Variants in COTL1 observed in about 807,000 individuals in gnomAD.
The protein encoded by COTL1 is coactosin like F-actin binding protein 1.
COTL1 carries 15 observed loss-of-function variants against 16.5 expected under a neutral mutation model. The ratio of observed to expected loss-of-function variants is 0.91; its 90% confidence interval spans 0.61 to 1.40. The LOEUF (loss-of-function observed/expected upper bound fraction) is 1.40, where lower values mean the gene tolerates loss of function less well. Among genes scored for constraint, COTL1 ranks in the 40% most tolerant of loss-of-function variants. The pLI is 0.00. For missense variants in COTL1, 220 were observed against 201.5 expected (o/e 1.09, Z -0.56); for synonymous variants, 112 against 85.3 (o/e 1.31, Z -1.73).
chr16:84,612,110 T>C (rs934212370), intron 2 of COTL1, among the ~76,000 whole-genome samples: 2 of 152,098 alleles, frequency 1.3e-5, no homozygotes, highest in South Asian at 4.2e-4. Context: ...AAAACAAAAA[T>C]GGCAATCGCA....
intron 2 of COTL1, among the ~76,000 whole-genome samples, chr16:84,612,212 C>A (rs533115307): frequency 3.9e-5 from 6 of 152,288 alleles, no homozygotes; most frequent in Admixed American, 2.6e-4. Flanking sequence ...TAGCAGGTTA[C>A]CAGATGGGTA....
In COTL1 at chr16:84,566,919, C is replaced by T; in HGVS notation, c.355G>A (p.Glu119Lys). The T allele has an allele frequency of 1.2e-6, 2 of 1,614,052 alleles. No individual in the cohort carries two copies. Among genetic ancestry groups the T allele is most frequent in the Non-Finnish European group, 1.7e-6 (2 of 1,179,932 alleles). ...AKEFVISDRK[E>K]LEEDFIKSEL... ...CTCTTGATGAAATCTTCCTCCAGCT[C>T]CTTCCGATCACTGATCACAAACTCC... Residue 119 changes from glutamate to lysine, a missense_variant, in exon 4 of 4, where the codon GAG (glutamate) becomes AAG (lysine). By Grantham distance (56) the Glu-to-Lys change is moderately conservative. Transcript: ENST00000262428.
In COTL1 at chr16:84,566,781, C is replaced by T. The variant is rs570693248; in HGVS notation, c.*64G>A. 5 of 1,132,718 alleles carry T rather than the reference C, an allele frequency of 4.4e-6. No individual in the cohort carries two copies. Among genetic ancestry groups the T allele is most frequent in the Non-Finnish European group, 6.6e-6 (5 of 752,946 alleles). The allele number at this position is 1,132,718 out of a possible 1,614,324, so 70.2% of individuals were successfully genotyped here. A position where few individuals can be genotyped will look rare whatever the true frequency, so the allele number is the denominator to read the frequency against. On this transcript the variant is annotated 3_prime_UTR_variant, in exon 4 of 4. Transcript: ENST00000262428. The stretch of plus-strand genomic sequence containing the variant: ...CTGGTGGGCTAGTAGCTGAGGCCGG[C>T]GGTCCTCTCCCCCGGGGAGCAGGCA...
intron 2 of COTL1, among the ~76,000 whole-genome samples, chr16:84,613,100 A>C (rs1905374928): frequency 6.6e-6 from 1 of 151,272 alleles, no homozygotes; most frequent in African/African-American, 2.4e-5. Context: ...TCCTGGGTTC[A>C]AGTGATTCTC....
chr16:84,609,792 C>G (rs573845329), intron 2 of COTL1, among the ~76,000 whole-genome samples: 2 of 152,164 alleles, frequency 1.3e-5, no homozygotes, highest in Non-Finnish European at 2.9e-5. Context: ...GGCTCTCAGT[C>G]TGTCTCCTGC....
At chr16:84,614,748 T>C (rs1449432322) in intron 2 of COTL1, among the ~76,000 whole-genome samples, 2 of 152,080 alleles carry the variant, frequency 1.3e-5, no homozygotes, top group African/African-American at 2.4e-5. Context: ...CCTGTCAGGA[T>C]ACCTGGCAGG....
At chr16:84,596,405 C>G (rs562787194) in intron 2 of COTL1, 9 of 152,310 alleles carry the variant, frequency 5.9e-5, no homozygotes, top group African/African-American at 2.2e-4. Context: ...CAAATACTTA[C>G]CTCATAAAGT....
intron 3 of COTL1, among the ~76,000 whole-genome samples, chr16:84,588,308 T>C (rs1904781809): frequency 6.6e-6 from 1 of 152,142 alleles, no homozygotes; most frequent in South Asian, 2.1e-4. Context: ...GTTTCCATAT[T>C]ACCTTCCTCT....
chr16:84,605,220 G>T (rs1021739779), intron 2 of COTL1, among the ~76,000 whole-genome samples: 1 of 152,224 alleles, frequency 6.6e-6, no homozygotes, highest in Non-Finnish European at 1.5e-5. Flanking sequence ...GTTTCACAAA[G>T]ATTTTACATT....
chr16:84,567,655 C>G (rs900247220), intron 3 of COTL1: 11 of 152,466 alleles, frequency 7.2e-5, no homozygotes, highest in African/African-American at 2.6e-4. Context: ...AAATACCACG[C>G]CAGGCTGTGG....
Position 84,566,763 on chromosome 16 carries a change from G to A in COTL1, c.*82C>T. ...TCTTTTCTCCCTGGTGGGCTGGTGGGCTAGTAGCTGAGGCCGGCGGTCCTC... is the reference window on the plus strand; with the variant it reads ...TCTTTTCTCCCTGGTGGGCTGGTGGACTAGTAGCTGAGGCCGGCGGTCCTC... On this transcript the variant is annotated 3_prime_UTR_variant, in exon 4 of 4. Transcript: ENST00000262428. The A allele has an allele frequency of 1.1e-6, 1 of 904,518 alleles. No homozygotes were observed. Among genetic ancestry groups the A allele is most frequent in the Non-Finnish European group, 1.8e-6 (1 of 557,156 alleles). 56.0% of individuals were successfully genotyped at this position (904,518 alleles called of 1,614,324 possible).
intron 2 of COTL1, among the ~76,000 whole-genome samples, chr16:84,604,885 CGTAGAATTCTAGCCA>C (rs1449212202): frequency 1.3e-5 from 2 of 152,210 alleles, no homozygotes; most frequent in Non-Finnish European, 2.9e-5. Flanking sequence ...TTATAAGCAG[CGTAGAATTCTAGCCA>C]GAAACGGGGA....
chr16:84,614,063 A>G (rs1267102450), intron 2 of COTL1, among the ~76,000 whole-genome samples: 1 of 152,134 alleles, frequency 6.6e-6, no homozygotes, highest in Admixed American at 6.5e-5. Flanking sequence ...TAGGAGGAGG[A>G]GGAGAGGCTG....
intron 2 of COTL1, among the ~76,000 whole-genome samples, chr16:84,598,607 C>A (rs1227155867): frequency 9.2e-5 from 14 of 151,782 alleles, no homozygotes; most frequent in African/African-American, 3.4e-4. Context: ...GCCTTTACGC[C>A]TCTCCCACCT....
chr16:84,570,714 T>C (rs771143731), intron 3 of COTL1, among the ~76,000 whole-genome samples: 6 of 152,106 alleles, frequency 3.9e-5, no homozygotes, highest in South Asian at 2.1e-4. Flanking sequence ...CGGTAGAAAA[T>C]AGAATGGAAG....
chr16:84,577,909 G>C (rs1163667366), intron 3 of COTL1, among the ~76,000 whole-genome samples: 1 of 152,132 alleles, frequency 6.6e-6, no homozygotes. Flanking sequence ...CAGCATTTGG[G>C]CAACTGCCTG....
chr16:84,610,083 T>C (rs1905289940), intron 2 of COTL1, among the ~76,000 whole-genome samples: 2 of 152,180 alleles, frequency 1.3e-5, no homozygotes, highest in Non-Finnish European at 2.9e-5. Context: ...AAGACAACAC[T>C]GGTGTCTCCC....
At chr16:84,597,798 C>T (rs559575719) in intron 2 of COTL1, among the ~76,000 whole-genome samples, 1 of 152,290 alleles carries the variant, frequency 6.6e-6, no homozygotes, top group East Asian at 1.9e-4. Flanking sequence ...CCTGCAGAGT[C>T]CGTGGTTCCT....
intron 3 of COTL1, among the ~76,000 whole-genome samples, chr16:84,582,854 C>A (rs1168417240): frequency 6.6e-6 from 1 of 152,006 alleles, no homozygotes; most frequent in Non-Finnish European, 1.5e-5. Flanking sequence ...GCTGATGGCG[C>A]CAGAATATCA....
Sources: allele counts gnomAD v4.1 joint callset (sites outside exome capture counted in the v4.1 genomes callset), GRCh38; gene constraint gnomAD v4.1.1; transcripts MANE v1.5; gene names NCBI Gene and HGNC (gene_info 2026-07-23, HGNC 2026-07-21).